Variants in MED13L observed in about 807,000 individuals in gnomAD.
The protein encoded by MED13L is mediator complex subunit 13L.
A neutral mutation model predicts 220.9 loss-of-function variants in MED13L; 7 were observed. That is an observed-to-expected ratio of 0.03 (90% CI 0.02 to 0.06). The LOEUF is 0.06. MED13L is among the 10% of genes least tolerant of loss of function. The probability of loss-of-function intolerance (pLI) is 1.00; values close to 1 mark genes in which losing one functional copy is unlikely to be tolerated. For synonymous variants in MED13L, 1,011 were observed against 1,015.2 expected, an observed-to-expected ratio of 1.00 and a Z score of 0.08; for missense variants, 1,965 against 2,760.5, an observed-to-expected ratio of 0.71 and a Z score of 6.46.
chr12:116,214,229 G>A (rs538938992), intron 2 of MED13L, among the ~76,000 whole-genome samples: 6 of 152,120 alleles, frequency 3.9e-5, no homozygotes, highest in African/African-American at 1.2e-4. Context: ...CTTTTTCATC[G>A]ACAACTTGGG....
At chr12:116,020,013 A>G in intron 5 of MED13L, 41 bp from the exon 6 acceptor site, 1 of 1,560,304 alleles carries the variant, frequency 6.4e-7, no homozygotes, top group East Asian at 2.2e-5. Flanking sequence ...CATTAGAGAA[A>G]TAATTCCTAC....
At chr12:116,258,605 C>T (rs1450542651) in intron 1 of MED13L, among the ~76,000 whole-genome samples, 10 of 151,908 alleles carry the variant, frequency 6.6e-5, no homozygotes, top group Admixed American at 5.2e-4. Flanking sequence ...GGTGAAACCC[C>T]GTCTCTACTA....
intron 4 of MED13L, among the ~76,000 whole-genome samples, chr12:116,074,148 A>G (rs780193586): frequency 3.9e-5 from 6 of 152,244 alleles, no homozygotes; most frequent in Non-Finnish European, 7.3e-5. Context: ...TAATCCCAGC[A>G]CTTTGGGACA....
intron 2 of MED13L, among the ~76,000 whole-genome samples, chr12:116,177,653 GA>G (rs1440882650): frequency 6.6e-6 from 1 of 152,056 alleles, no homozygotes; most frequent in Non-Finnish European, 1.5e-5. Flanking sequence ...CTGTTTTTAA[GA>G]TAGGCCTCTT....
At chr12:116,110,333 T>C (rs971030086) in intron 3 of MED13L, 1 of 151,210 alleles carries the variant, frequency 6.6e-6, no homozygotes, top group South Asian at 2.1e-4. Context: ...TAACAATCCA[T>C]GGGTCCCAAT....
intron 4 of MED13L, among the ~76,000 whole-genome samples, chr12:116,059,119 G>A (rs1019927462): frequency 1.3e-5 from 2 of 152,120 alleles, no homozygotes; most frequent in African/African-American, 2.4e-5. Flanking sequence ...CCAGGATGGC[G>A]TGCAGTCACG....
At chr12:116,042,507 TGTG>T (rs975439362) in intron 4 of MED13L, among the ~76,000 whole-genome samples, 6 of 152,322 alleles carry the variant, frequency 3.9e-5, no homozygotes, top group African/African-American at 1.2e-4. Context: ...AAAGATGAGA[TGTG>T]GTGAGACAAG....
chr12:116,191,627 G>A (rs906806646), intron 2 of MED13L, among the ~76,000 whole-genome samples: 5 of 152,024 alleles, frequency 3.3e-5, no homozygotes, highest in Admixed American at 3.3e-4. Flanking sequence ...ACAGCACCCA[G>A]CCACATGTAT....
intron 2 of MED13L, among the ~76,000 whole-genome samples, chr12:116,145,555 G>C (rs896380946): frequency 3.9e-5 from 6 of 151,992 alleles, no homozygotes; most frequent in Admixed American, 2.6e-4. Flanking sequence ...GAGTGCAGTG[G>C]TGCGATCATA....
At chr12:115,968,449 G>A (rs1279317526) in intron 28 of MED13L, among the ~76,000 whole-genome samples, 3 of 152,198 alleles carry the variant, frequency 2.0e-5, no homozygotes, top group African/African-American at 4.8e-5. Context: ...AGGTCGGCTA[G>A]AAAGAAGAAG....
intron 2 of MED13L, among the ~76,000 whole-genome samples, chr12:116,141,372 C>T (rs1436399003): frequency 1.3e-5 from 2 of 151,878 alleles, no homozygotes; most frequent in Non-Finnish European, 2.9e-5. Flanking sequence ...AAATCTGACC[C>T]AGAAATAGGG....
chr12:116,007,572 G>T lies in MED13L; in HGVS notation c.2077C>A (p.Leu693Ile), dbSNP rs1055129121. The change falls in exon 11 of 31, where the codon CTC (leucine) becomes ATC (isoleucine). Residue 693 changes from leucine to isoleucine, a missense_variant. Physicochemically the swap from Leu to Ile is conservative, Grantham distance 5. Coordinates refer to ENST00000281928, the MANE Select transcript of MED13L (RefSeq NM_015335.5). ...WQDKQPQLQP[L>I]HFLDPLPLSQ... ...AGAGGCAATGGGTCAAGGAAGTGGA[G>T]TGGCTGCAACTGGGGCTGTTTGTCT... The T allele has an allele frequency of 6.2e-7, 1 of 1,612,634 alleles. No homozygotes were observed. Among genetic ancestry groups the T allele is most frequent in the Admixed American group, 1.7e-5 (1 of 59,812 alleles).
intron 4 of MED13L, among the ~76,000 whole-genome samples, chr12:116,025,315 G>A (rs896218629): frequency 5.9e-5 from 9 of 152,168 alleles, no homozygotes; most frequent in Non-Finnish European, 8.8e-5. Context: ...ATGAAAAACA[G>A]TATAAAGATT....
intron 2 of MED13L, among the ~76,000 whole-genome samples, chr12:116,190,400 G>A (rs879938798): frequency 2.0e-5 from 3 of 152,120 alleles, no homozygotes; most frequent in Non-Finnish European, 4.4e-5. Context: ...ATGAATTATT[G>A]CTTTGAAATA....
chr12:116,214,175 T>C (rs769082204), intron 2 of MED13L, among the ~76,000 whole-genome samples: 4 of 152,206 alleles, frequency 2.6e-5, no homozygotes, highest in Non-Finnish European at 5.9e-5. Context: ...GATTCCTTAG[T>C]AATATAAATA....
chr12:116,020,588 T>C (rs1880003179), intron 5 of MED13L, among the ~76,000 whole-genome samples: 1 of 152,254 alleles, frequency 6.6e-6, no homozygotes, highest in African/African-American at 2.4e-5. Flanking sequence ...GTTTCTGTTT[T>C]GACTGTTTTA....
chr12:115,982,248 C>G, intron 22 of MED13L, 136 bp downstream of exon 22: 1 of 893,240 alleles, frequency 1.1e-6, no homozygotes, highest in East Asian at 2.6e-5. Flanking sequence ...CCAAAACACT[C>G]TGGTTCCTAG....
intron 1 of MED13L, among the ~76,000 whole-genome samples, chr12:116,271,204 C>T (rs190734239): frequency 6.7e-6 from 1 of 149,774 alleles, no homozygotes; most frequent in Admixed American, 6.7e-5. Flanking sequence ...GAAACAAATA[C>T]GTGTGTGTGT....
At chr12:116,008,259 T>C in intron 10 of MED13L, 142 bp downstream of exon 10, 1 of 1,180,884 alleles carries the variant, frequency 8.5e-7, no homozygotes, top group Non-Finnish European at 1.2e-6. Flanking sequence ...CATTTGACCA[T>C]TAAACATTTT....
Sources: allele counts gnomAD v4.1 joint callset (sites outside exome capture counted in the v4.1 genomes callset), GRCh38; gene constraint gnomAD v4.1.1; transcripts MANE v1.5; gene names NCBI Gene and HGNC (gene_info 2026-07-23, HGNC 2026-07-21).